ADAMTS6: variants seen among roughly 807,000 people sequenced by gnomAD.
The protein encoded by ADAMTS6 is ADAM metallopeptidase with thrombospondin type 1 motif 6, also known as A disintegrin and metalloproteinase with thrombospondin motifs 6.
Under a neutral mutation model 144.3 loss-of-function variants are expected in ADAMTS6, and 23 were observed. That is an observed-to-expected ratio of 0.16 (90% confidence interval 0.11 to 0.23). The LOEUF is 0.23. ADAMTS6 is among the 10% of genes least tolerant of loss of function. The pLI is 1.00. For missense variants in ADAMTS6, 999 were observed against 1,379.6 expected (o/e 0.72, Z 4.37); for synonymous variants, 444 against 457.5 (o/e 0.97, Z 0.38).
chr5:65,214,980 T>C lies in ADAMTS6; in HGVS notation c.2437-48A>G, dbSNP rs772802081. 6 of 1,571,374 alleles carry C rather than the reference T, an allele frequency of 3.8e-6. No individual in the cohort carries two copies. In the East Asian group the frequency reaches 1.3e-4, roughly 35 times the overall value. ...AAGACAATTAAAATACAATGAGCCT[T>C]CATTCAGATATTTATTATTCCTTTT... On this transcript the variant is annotated intron_variant, in intron 19 of 24. Transcript: ENST00000381055. This position sits in a 1 kb window ranked among gnomAD's most constrained non-coding sequence, Gnocchi z 4.6.
rs141491069 is a variant in ADAMTS6 at position 65,254,631 on chromosome 5, C to T, written c.1830+5969G>A. On this transcript the variant is annotated intron_variant, in intron 14 of 24. Coordinates refer to ENST00000381055, the MANE Select transcript of ADAMTS6 (RefSeq NM_197941.4). ...AGCAAAAAATAGAATGTGGGGTGAA[C>T]GGTCATCATGTGCAGTCCAATTTTC... is the stretch of plus-strand genomic sequence containing the variant. Among the ~76,000 whole-genome samples the T allele has an allele frequency of 3.9e-4, 59 of 152,248 alleles. No individual in the cohort carries two copies. The East Asian group carries it at 4.0e-3, about 10-fold the overall frequency.
intron 9 of ADAMTS6, among the ~76,000 whole-genome samples, chr5:65,318,320 G>C (rs538338414): frequency 6.4e-4 from 97 of 152,080 alleles, no homozygotes; most frequent in Non-Finnish European, 1.1e-3. Flanking sequence ...GAACAGTTTG[G>C]AGGTTCCTCA....
intron 12 of ADAMTS6, among the ~76,000 whole-genome samples, chr5:65,263,471 C>T (rs1761370705): frequency 6.7e-6 from 1 of 148,254 alleles, no homozygotes; most frequent in Non-Finnish European, 1.5e-5. Flanking sequence ...TGTGTTGTGG[C>T]ATTTCATCTA....
rs547578230 is a variant in ADAMTS6, at chr5:65,193,261, A to C, written c.2705+3761T>G. On this transcript the variant is annotated intron_variant, in intron 21 of 24. Coordinates refer to ENST00000381055, the MANE Select transcript of ADAMTS6 (RefSeq NM_197941.4). ...CAGTAAAAATAGATCAAAACACCATAAATAACATGGAAAATAGACGACAAA... is the reference window on the plus strand; with the variant it reads ...CAGTAAAAATAGATCAAAACACCATCAATAACATGGAAAATAGACGACAAA... Among the ~76,000 whole-genome samples the C allele has an allele frequency of 7.9e-5, 12 of 152,164 alleles. No individual in the cohort carries two copies. In the South Asian group the frequency reaches 1.9e-3, roughly 24 times the overall value.
At chr5:65,383,399 A>G (rs1752206511) in intron 7 of ADAMTS6, among the ~76,000 whole-genome samples, 1 of 152,196 alleles carries the variant, frequency 6.6e-6, no homozygotes, top group Non-Finnish European at 1.5e-5. Flanking sequence ...CAGGCATAGG[A>G]TAGATGTTCC....
chr5:65,459,544 T>A (rs1759492623), intron 4 of ADAMTS6, among the ~76,000 whole-genome samples: 1 of 152,186 alleles, frequency 6.6e-6, no homozygotes, highest in Admixed American at 6.5e-5. Flanking sequence ...AAAACAATTA[T>A]AAGACATTCT....
At chr5:65,468,796 T>C (rs974619101) in intron 3 of ADAMTS6, among the ~76,000 whole-genome samples, 3 of 152,234 alleles carry the variant, frequency 2.0e-5, no homozygotes, top group African/African-American at 7.2e-5. Context: ...AAACAGCATG[T>C]TGCACAATTT....
intron 7 of ADAMTS6, among the ~76,000 whole-genome samples, chr5:65,396,568 T>C (rs527410294): frequency 5.9e-5 from 9 of 152,310 alleles, no homozygotes; most frequent in African/African-American, 2.2e-4. Flanking sequence ...ACTAGAGATT[T>C]AGAAGCAGAA....
intron 7 of ADAMTS6, among the ~76,000 whole-genome samples, chr5:65,427,716 T>C (rs1049354803): frequency 2.7e-5 from 4 of 150,022 alleles, no homozygotes; most frequent in African/African-American, 9.8e-5. Context: ...GAGAATGGCC[T>C]GAACCCAGGA....
chr5:65,335,675 T>A (rs1747234467), intron 7 of ADAMTS6, among the ~76,000 whole-genome samples: 1 of 152,144 alleles, frequency 6.6e-6, no homozygotes, highest in South Asian at 2.1e-4. Context: ...GATAAATAAG[T>A]TACTTTTGGT....
intron 7 of ADAMTS6, among the ~76,000 whole-genome samples, chr5:65,348,578 A>G (rs1316595269): frequency 1.3e-5 from 2 of 152,132 alleles, no homozygotes; most frequent in Admixed American, 6.6e-5. Flanking sequence ...TTTGAGATCT[A>G]TTGCACAGCA....
chr5:65,250,199 T>C (rs901978794), intron 14 of ADAMTS6, among the ~76,000 whole-genome samples: 2 of 152,222 alleles, frequency 1.3e-5, no homozygotes, highest in Non-Finnish European at 2.9e-5. Context: ...TTTATGTATG[T>C]TACTTCTTTT....
intron 20 of ADAMTS6, chr5:65,210,588 C>A: frequency 3.4e-6 from 2 of 596,346 alleles, no homozygotes; most frequent in South Asian, 1.9e-5. Context: ...CTACCACTGG[C>A]AATAAAGTTT....
chr5:65,210,822 C>G, intron 20 of ADAMTS6: 1 of 458,840 alleles, frequency 2.2e-6, no homozygotes, highest in Non-Finnish European at 4.0e-6. Context: ...TAACTCCAGA[C>G]ATGATGGGGA....
At chr5:65,400,365 T>C (rs539293699) in intron 7 of ADAMTS6, among the ~76,000 whole-genome samples, 5 of 152,230 alleles carry the variant, frequency 3.3e-5, no homozygotes, top group Admixed American at 1.3e-4. Context: ...TACACACTAC[T>C]GCATATGGCT....
intron 7 of ADAMTS6, among the ~76,000 whole-genome samples, chr5:65,424,444 G>C (rs1462145756): frequency 1.3e-5 from 2 of 152,168 alleles, no homozygotes; most frequent in Non-Finnish European, 2.9e-5. Flanking sequence ...ATTGTCAATG[G>C]ACATTGGAAA....
At chr5:65,355,694 G>A (rs1749251469) in intron 7 of ADAMTS6, among the ~76,000 whole-genome samples, 1 of 151,712 alleles carries the variant, frequency 6.6e-6, no homozygotes, top group South Asian at 2.1e-4. Context: ...AGGAACTAAA[G>A]CATCTTATCT....
In ADAMTS6 at chr5:65,149,797, T is replaced by G. The variant is rs1238100822; in HGVS notation, c.*2039A>C. On this transcript the variant is annotated 3_prime_UTR_variant, in exon 25 of 25. Coordinates refer to ENST00000381055, the MANE Select transcript of ADAMTS6 (RefSeq NM_197941.4). ...TTTGAAAAGGCGCAAGGGAATTCAGTGCTCGGGCCATACTACCCATGGGCT... is the reference window on the plus strand; with the variant it reads ...TTTGAAAAGGCGCAAGGGAATTCAGGGCTCGGGCCATACTACCCATGGGCT... The G allele has an allele frequency of 6.6e-6, 1 of 152,632 alleles. No homozygotes were observed. Among genetic ancestry groups the G allele is most frequent in the African/African-American group, 2.4e-5 (1 of 41,462 alleles). The allele number at this position is 152,632 out of a possible 1,614,324, so 9.5% of individuals were successfully genotyped here. A position where few individuals can be genotyped will look rare whatever the true frequency, so the allele number is the denominator to read the frequency against.
intron 7 of ADAMTS6, among the ~76,000 whole-genome samples, chr5:65,348,957 G>T (rs752017766): frequency 7.3e-6 from 1 of 136,594 alleles, no homozygotes; most frequent in Admixed American, 7.4e-5. Flanking sequence ...ATATGAAGAC[G>T]GTTTATACAC....
Sources: allele counts gnomAD v4.1 joint callset (sites outside exome capture counted in the v4.1 genomes callset), GRCh38; gene constraint gnomAD v4.1.1; non-coding constraint Gnocchi (gnomAD v3.1); transcripts MANE v1.5; gene names NCBI Gene and HGNC (gene_info 2026-07-23, HGNC 2026-07-21).